The following SYAP1 variants were observed in gnomAD, a reference collection of about 807,000 sequenced individuals.
The protein encoded by SYAP1 is synapse-associated protein 1.
SYAP1 carries 3 observed loss-of-function variants against 29.6 expected under a neutral mutation model. The observed-to-expected ratio is 0.10, with a 90% confidence interval of 0.05 to 0.26. The LOEUF is 0.26. SYAP1 is among the 10% of genes least tolerant of loss of function. The probability of loss-of-function intolerance (pLI) is 1.00; values close to 1 mark genes in which losing one functional copy is unlikely to be tolerated. For missense variants in SYAP1, 217 were observed against 264.1 expected, an observed-to-expected ratio of 0.82 and a Z score of 1.24; for synonymous variants, 102 against 102.7, an observed-to-expected ratio of 0.99 and a Z score of 0.04.
chrX:16,739,473 TC>T (rs1926402555), intron 3 of SYAP1, among the ~76,000 whole-genome samples: 1 of 87,940 alleles, frequency 1.1e-5, no homozygotes, highest in Non-Finnish European at 2.3e-5. Context: ...TCACTCTCTC[TC>T]TCTTTTTTTT....
intron 5 of SYAP1, among the ~76,000 whole-genome samples, chrX:16,749,270 G>A (rs765133124): frequency 9.2e-6 from 1 of 108,813 alleles, no homozygotes; most frequent in South Asian, 4.1e-4. Flanking sequence ...GCCCAAGCTG[G>A]TGTCAAAGTC....
At chrX:16,749,096 C>G (rs1279606053) in intron 5 of SYAP1, among the ~76,000 whole-genome samples, 2 of 110,219 alleles carry the variant, frequency 1.8e-5, no homozygotes, top group Non-Finnish European at 3.8e-5. Flanking sequence ...CTCTCTGTTG[C>G]CCAGGCTGGA....
Position 16,761,610 on chromosome X carries a change from T to C in SYAP1, c.*1251T>C, listed in dbSNP as rs1191024781. ...ATTGCTTGAACCTGGGAGATGGAGG[T>C]TGCAGTGAGCTGAGATCACGCCACT... is the stretch of plus-strand genomic sequence containing the variant. On this transcript the variant is annotated 3_prime_UTR_variant, in exon 9 of 9. Transcript: ENST00000380155. 1 of 110,365 alleles carries C rather than the reference T, an allele frequency of 9.1e-6. No homozygotes were observed. The allele number at this position is 110,365 out of a possible 1,213,427, so 9.1% of individuals were successfully genotyped here.
chrX:16,749,862 G>T lies in SYAP1; in HGVS notation c.576-5083G>T, dbSNP rs747174928. Among the ~76,000 whole-genome samples, 111 of 102,799 alleles carry T rather than the reference G, an allele frequency of 1.1e-3. 1 individual carries two copies. The highest frequency in any genetic ancestry group is 1.8e-3 in the Non-Finnish European group (91 of 50,987). The allele number at this position is 102,799 out of a possible 115,157, so 89.3% of individuals were successfully genotyped here. ...GGAGGCGGAGGTTACAGTGAGCCGA[G>T]ATTGTGCCACTGCACTCCAGCCTGG... is the stretch of plus-strand genomic sequence containing the variant. On this transcript the variant is annotated intron_variant, in intron 5 of 8. Transcript: ENST00000380155.
At chrX:16,729,271 T>C (rs988515703) in intron 1 of SYAP1, among the ~76,000 whole-genome samples, 1 of 111,120 alleles carries the variant, frequency 9.0e-6, no homozygotes, top group Admixed American at 9.7e-5. Flanking sequence ...TGGTTTTTGG[T>C]ACTAAATAAG....
intron 5 of SYAP1, among the ~76,000 whole-genome samples, chrX:16,749,910 CAA>C (rs201193907): frequency 0.032 from 1,852 of 57,985 alleles, 26 homozygotes; most frequent in Admixed American, 0.058. Flanking sequence ...GACTCCATCT[CAA>C]AAAAAAAAAA....
chrX:16,738,140 G>A (rs1233779637), intron 3 of SYAP1, among the ~76,000 whole-genome samples: 1 of 111,819 alleles, frequency 8.9e-6, no homozygotes, highest in Non-Finnish European at 1.9e-5. Context: ...AGGGCCAGGC[G>A]TGGTAGCTTC....
chrX:16,739,475 TC>T (rs1926402974), intron 3 of SYAP1, among the ~76,000 whole-genome samples: 1 of 87,009 alleles, frequency 1.1e-5, no homozygotes, highest in Non-Finnish European at 2.3e-5. Context: ...ACTCTCTCTC[TC>T]TTTTTTTTTT....
intron 5 of SYAP1, among the ~76,000 whole-genome samples, chrX:16,745,039 G>A (rs949729826): frequency 4.5e-5 from 5 of 112,120 alleles, no homozygotes; most frequent in African/African-American, 1.6e-4. Context: ...GGGATCTGTC[G>A]TTTATGTGGC....
chrX:16,719,771 C>T lies in SYAP1; in HGVS notation c.47C>T (p.Ala16Val). The T allele has an allele frequency of 8.3e-7, 1 of 1,205,160 alleles. No homozygotes were observed. Among genetic ancestry groups the T allele is most frequent in the Non-Finnish European group, 1.1e-6 (1 of 892,806 alleles). ...TGGTTGGGCTTGCAGCAGCCGGTGGCAGGCGGTGGGCAGCCCAATGGAGAT... is the reference window on the plus strand; with the variant it reads ...TGGTTGGGCTTGCAGCAGCCGGTGGTAGGCGGTGGGCAGCCCAATGGAGAT... ...SSWLGLQQPV[A>V]GGGQPNGDAP... Residue 16 changes from alanine to valine, a missense_variant, in exon 1 of 9, where the codon GCA becomes GTA. Coordinates refer to ENST00000380155, the MANE Select transcript of SYAP1 (RefSeq NM_032796.4).
intron 7 of SYAP1, 54 bp downstream of exon 7, chrX:16,756,775 G>A (rs1367805033): frequency 9.4e-7 from 1 of 1,064,218 alleles, no homozygotes; most frequent in African/African-American, 1.8e-5. Context: ...TAAAGTAACT[G>A]TGTTAACTCT....
chrX:16,720,293 A>AT (rs1294025670), intron 1 of SYAP1, among the ~76,000 whole-genome samples: 3 of 112,259 alleles, frequency 2.7e-5, no homozygotes, highest in Non-Finnish European at 5.6e-5. Context: ...TGAAAAAATA[A>AT]TTTTTTGCCC....
At chrX:16,742,544 T>C (rs1926491165) in intron 4 of SYAP1, among the ~76,000 whole-genome samples, 1 of 111,945 alleles carries the variant, frequency 8.9e-6, no homozygotes, top group Non-Finnish European at 1.9e-5. Flanking sequence ...TGCCTTGGCC[T>C]CCCAAAGTGC....
chrX:16,753,027 A>C (rs770571377), intron 5 of SYAP1, among the ~76,000 whole-genome samples: 1 of 109,898 alleles, frequency 9.1e-6, no homozygotes, highest in East Asian at 2.9e-4. Flanking sequence ...GGATCACTTG[A>C]GCCCAGGAGT....
In SYAP1 at chrX:16,763,870, C is replaced by CTTTTTT. The variant is rs11331396; in HGVS notation, c.*3527_*3532dup. 6 of 63,584 alleles carry CTTTTTT rather than the reference C, an allele frequency of 9.4e-5. No homozygotes were observed. The highest frequency in any genetic ancestry group is 8.0e-5 in the Non-Finnish European group (3 of 37,271). 5.2% of individuals were successfully genotyped at this position (63,584 alleles called of 1,213,427 possible). ...AGTATTTTATTTGCCTCTTTGACGG[C>CTTTTTT]TTTTTTTTTTTTTTTTTTTTTGAGA... On this transcript the variant is annotated 3_prime_UTR_variant, in exon 9 of 9. Coordinates refer to ENST00000380155, the MANE Select transcript of SYAP1 (RefSeq NM_032796.4).
intron 3 of SYAP1, among the ~76,000 whole-genome samples, chrX:16,739,973 G>A (rs961007325): frequency 9.0e-6 from 1 of 111,117 alleles, no homozygotes; most frequent in Non-Finnish European, 1.9e-5. Context: ...TGCCGATCAC[G>A]CAGATCTGCA....
In SYAP1 at chrX:16,762,311, G is replaced by A. The variant is rs1927002918; in HGVS notation, c.*1952G>A. The stretch of plus-strand genomic sequence containing the variant: ...AATAAACACACACAAAAAAGTATCA[G>A]AGAAAGAGAAAAACCCTACAATGGC... On this transcript the variant is annotated 3_prime_UTR_variant, in exon 9 of 9. Coordinates refer to ENST00000380155, the MANE Select transcript of SYAP1 (RefSeq NM_032796.4). The A allele has an allele frequency of 9.0e-6, 1 of 111,568 alleles. No individual in the cohort carries two copies. The highest frequency in any genetic ancestry group is 1.9e-5 in the Non-Finnish European group (1 of 53,200). 9.2% of individuals were successfully genotyped at this position (111,568 alleles called of 1,213,427 possible). A position where few individuals can be genotyped will look rare whatever the true frequency, so the allele number is the denominator to read the frequency against.
chrX:16,740,800 G>C (rs948877754), intron 3 of SYAP1, among the ~76,000 whole-genome samples: 2 of 111,272 alleles, frequency 1.8e-5, no homozygotes, highest in Non-Finnish European at 3.8e-5. Context: ...AGTTAATTTT[G>C]TTAGTTGACC....
At chrX:16,722,942 C>T (rs759056852) in intron 1 of SYAP1, among the ~76,000 whole-genome samples, 1 of 112,533 alleles carries the variant, frequency 8.9e-6, no homozygotes, top group East Asian at 2.8e-4. Flanking sequence ...AAAAGAAAAT[C>T]TGTACTTCTG....
Sources: allele counts gnomAD v4.1 joint callset (sites outside exome capture counted in the v4.1 genomes callset), GRCh38; gene constraint gnomAD v4.1.1; transcripts MANE v1.5; gene names NCBI Gene and HGNC (gene_info 2026-07-23, HGNC 2026-07-21).